The following PXDNL variants were observed in gnomAD, a reference collection of about 807,000 sequenced individuals.
PXDNL encodes the protein peroxidasin like.
PXDNL carries 145 observed loss-of-function variants against 150.8 expected under a neutral mutation model. The ratio of observed to expected loss-of-function variants is 0.96; its 90% CI spans 0.84 to 1.10. The LOEUF (loss-of-function observed/expected upper bound fraction) is 1.10, where lower values mean the gene tolerates loss of function less well. PXDNL is among the 50% of genes least tolerant of loss of function. The pLI is 0.00. For missense variants in PXDNL, 2,087 were observed against 1,873.9 expected (o/e 1.11, Z -2.10); for synonymous variants, 757 against 725.7 (o/e 1.04, Z -0.69).
rs182021064 is a variant in PXDNL at position 51,544,730 on chromosome 8, A to C, written c.380+12110T>G. ...ATGTCATGAAGCCAACAGGAAAATC[A>C]AAAAGTGTATTTTTATACTCATTGT... On this transcript the variant is annotated intron_variant, in intron 4 of 22. Coordinates refer to ENST00000356297, the MANE Select transcript of PXDNL (RefSeq NM_144651.5). Among the ~76,000 whole-genome samples the C allele has an allele frequency of 2.6e-3, 402 of 152,312 alleles. 1 individual carries two copies. Among genetic ancestry groups the C allele is most frequent in the African/African-American group, 9.3e-3 (388 of 41,574 alleles).
chr8:51,669,733 T>C (rs2130826824), intron 1 of PXDNL, among the ~76,000 whole-genome samples: 1 of 152,314 alleles, frequency 6.6e-6, no homozygotes, highest in Non-Finnish European at 1.5e-5. Flanking sequence ...AGAATTAAAT[T>C]TAGCTGAGCT....
At chr8:51,501,977 A>G (rs1289189805) in intron 4 of PXDNL, among the ~76,000 whole-genome samples, 2 of 152,238 alleles carry the variant, frequency 1.3e-5, no homozygotes, top group Non-Finnish European at 1.5e-5. Context: ...ATCTCTGTGT[A>G]TACTGGACAG....
intron 5 of PXDNL, among the ~76,000 whole-genome samples, chr8:51,484,328 C>A (rs1585512052): frequency 6.6e-6 from 1 of 150,834 alleles, no homozygotes; most frequent in Non-Finnish European, 1.5e-5. Context: ...CCAGCTACTC[C>A]AGAGGCTGAG....
chr8:51,505,670 T>C (rs1811269343), intron 4 of PXDNL, among the ~76,000 whole-genome samples: 1 of 152,240 alleles, frequency 6.6e-6, no homozygotes, highest in South Asian at 2.1e-4. Context: ...TGTCTATATG[T>C]GTGTAACATA....
chr8:51,421,376 T>C (rs1036584317), intron 14 of PXDNL, among the ~76,000 whole-genome samples: 24 of 152,138 alleles, frequency 1.6e-4, no homozygotes, highest in Admixed American at 1.6e-3. Context: ...TCATAGAGAA[T>C]AGCAGAGTGA....
intron 17 of PXDNL, among the ~76,000 whole-genome samples, chr8:51,377,773 T>C (rs1460869400): frequency 2.0e-5 from 3 of 152,184 alleles, no homozygotes; most frequent in Non-Finnish European, 4.4e-5. Context: ...GCTGAGGACC[T>C]GCAGCCCGCC....
intron 2 of PXDNL, among the ~76,000 whole-genome samples, chr8:51,604,535 A>T (rs1003066527): frequency 1.3e-5 from 2 of 152,168 alleles, no homozygotes; most frequent in Non-Finnish European, 2.9e-5. Flanking sequence ...GCATTAGGAG[A>T]TATACCCAAT....
At chr8:51,427,783 A>G (rs750034597) in intron 12 of PXDNL, among the ~76,000 whole-genome samples, 1 of 152,248 alleles carries the variant, frequency 6.6e-6, no homozygotes, top group Non-Finnish European at 1.5e-5. Flanking sequence ...CCCTAGAGTA[A>G]TTAAACACAG....
At chr8:51,342,364 A>T (rs1440312969) in intron 20 of PXDNL, among the ~76,000 whole-genome samples, 2 of 152,058 alleles carry the variant, frequency 1.3e-5, no homozygotes, top group East Asian at 3.8e-4. Context: ...TTCATTTACA[A>T]ATAGGTTTTT....
At chr8:51,664,720 T>C (rs770202013) in intron 1 of PXDNL, among the ~76,000 whole-genome samples, 1 of 152,066 alleles carries the variant, frequency 6.6e-6, no homozygotes, top group Non-Finnish European at 1.5e-5. Context: ...ACCATTTATA[T>C]AGTGACCTGG....
At chr8:51,526,127 T>G (rs1156943744) in intron 4 of PXDNL, among the ~76,000 whole-genome samples, 2 of 152,170 alleles carry the variant, frequency 1.3e-5, no homozygotes, top group African/African-American at 2.4e-5. Context: ...TCCCAATGTG[T>G]GTGTGTCAAT....
In PXDNL at chr8:51,559,970, T is replaced by C. The variant is rs140480576; in HGVS notation, c.309-3059A>G. Among the ~76,000 whole-genome samples, 263 of 152,092 alleles carry C rather than the reference T, an allele frequency of 1.7e-3. 2 individuals carry two copies. Among genetic ancestry groups the C allele is most frequent in the African/African-American group, 6.1e-3 (253 of 41,538 alleles). Reference sequence around the variant, plus strand: ...AAATTAAGAAAAACAAATCTGATACTAAATTTGATAGAAATACAAAACCTA... The same window carrying C: ...AAATTAAGAAAAACAAATCTGATACCAAATTTGATAGAAATACAAAACCTA... On this transcript the variant is annotated intron_variant, in intron 3 of 22. Coordinates refer to ENST00000356297, the MANE Select transcript of PXDNL (RefSeq NM_144651.5).
intron 1 of PXDNL, among the ~76,000 whole-genome samples, chr8:51,675,112 A>C (rs1391781387): frequency 6.6e-6 from 1 of 151,812 alleles, no homozygotes; most frequent in Non-Finnish European, 1.5e-5. Context: ...CACCCTTGGA[A>C]CTCACTTGCT....
intron 19 of PXDNL, among the ~76,000 whole-genome samples, chr8:51,371,624 A>G (rs1807115455): frequency 6.6e-6 from 1 of 152,226 alleles, no homozygotes; most frequent in African/African-American, 2.4e-5. Context: ...AAGAAGGCAG[A>G]GGCCAGTTTT....
intron 1 of PXDNL, among the ~76,000 whole-genome samples, chr8:51,776,495 C>T (rs375720966): frequency 3.9e-5 from 6 of 152,208 alleles, no homozygotes; most frequent in African/African-American, 1.4e-4. Flanking sequence ...AAAGAACCTA[C>T]GTGAAATAGC....
intron 12 of PXDNL, among the ~76,000 whole-genome samples, chr8:51,433,928 T>C (rs1386005251): frequency 1.3e-5 from 2 of 152,170 alleles, no homozygotes; most frequent in Non-Finnish European, 2.9e-5. Flanking sequence ...ATTATTATTA[T>C]TGCATATAGA....
At chr8:51,338,199 A>G (rs992999221) in intron 21 of PXDNL, among the ~76,000 whole-genome samples, 33 of 151,800 alleles carry the variant, frequency 2.2e-4, no homozygotes, top group Admixed American at 2.1e-3. Flanking sequence ...AAAAAAAAAA[A>G]AAAGGGAAAA....
intron 17 of PXDNL, among the ~76,000 whole-genome samples, chr8:51,396,839 C>A (rs1808097901): frequency 6.6e-6 from 1 of 152,144 alleles, no homozygotes; most frequent in African/African-American, 2.4e-5. Context: ...ATCAGCCCTG[C>A]TACAAGATCT....
At chr8:51,599,275 T>C (rs772421457) in intron 2 of PXDNL, among the ~76,000 whole-genome samples, 1 of 151,994 alleles carries the variant, frequency 6.6e-6, no homozygotes, top group Non-Finnish European at 1.5e-5. Context: ...CTCCTGCTAG[T>C]TCTAGGGTTA....
Sources: allele counts gnomAD v4.1 joint callset (sites outside exome capture counted in the v4.1 genomes callset), GRCh38; gene constraint gnomAD v4.1.1; transcripts MANE v1.5; gene names NCBI Gene and HGNC (gene_info 2026-07-23, HGNC 2026-07-21).